The following CDK20 variants were observed in gnomAD, a reference collection of about 807,000 sequenced individuals.
The protein encoded by CDK20 is cyclin-dependent kinase 20.
Under a neutral mutation model 38.6 loss-of-function variants are expected in CDK20, and 40 were observed. That is an observed-to-expected ratio of 1.04 (90% CI 0.81 to 1.35). The LOEUF is 1.35. Ranked by LOEUF, CDK20 falls within the 40% of genes most tolerant of loss-of-function variation. The probability of loss-of-function intolerance (pLI) is 0.00; values close to 1 mark genes in which losing one functional copy is unlikely to be tolerated. For synonymous variants in CDK20, 209 were observed against 185.7 expected, an observed-to-expected ratio of 1.13 and a Z score of -1.02; for missense variants, 512 against 452.6, an observed-to-expected ratio of 1.13 and a Z score of -1.19.
intron 5 of CDK20, 85 bp from the exon 6 acceptor site, chr9:87,970,004 C>T (rs1464455861): frequency 2.1e-6 from 3 of 1,434,216 alleles, no homozygotes; most frequent in Non-Finnish European, 2.8e-6. Context: ...ACACTGCACT[C>T]CAGGGCAAGG....
chr9:87,969,594 A>C (rs1023543468), intron 6 of CDK20: 74 of 862,690 alleles, frequency 8.6e-5, no homozygotes, highest in Non-Finnish European at 1.2e-4. Context: ...TACTGGGGTG[A>C]AAAGGGACAA....
At chr9:87,973,204 A>C (rs532930524) in intron 2 of CDK20, among the ~76,000 whole-genome samples, 79 of 152,264 alleles carry the variant, frequency 5.2e-4, no homozygotes, top group Non-Finnish European at 8.7e-4. Context: ...TGGGTGAGAG[A>C]GAGCACCAAA....
At chr9:87,974,192 G>T in intron 1 of CDK20, 157 bp from the exon 2 acceptor site, 1 of 1,365,246 alleles carries the variant, frequency 7.3e-7, no homozygotes, top group Middle Eastern at 1.9e-4. Context: ...CCAGCCGCTG[G>T]GGTAGGGGAC....
At position 87,970,593 on chromosome 9, in the gene CDK20, GGC is replaced by G; in HGVS notation, c.536_537del (p.Arg179ProfsTer3). On this transcript the variant is annotated frameshift_variant, in exon 5 of 8. Coordinates refer to ENST00000325303, the MANE Select transcript of CDK20 (RefSeq NM_001039803.3). LOFTEE classifies it high-confidence loss of function. Reference protein sequence around the residue: ...YRAPELLYGARQYDQGVDLWS... With the variant: ...YRAPELLYGAXQYDQGVDLWS... ...CACAGATCGACGCCCTGGTCATACT[GGC>G]GGGCACCATACAGGAGCTCGGGGGC... 1 of 1,614,114 alleles carries G rather than the reference GGC, an allele frequency of 6.2e-7. No homozygotes were observed. Among genetic ancestry groups the G allele is most frequent in the Non-Finnish European group, 8.5e-7 (1 of 1,180,018 alleles).
chr9:87,969,510 ATTCC>A (rs1398421602), intron 6 of CDK20, 161 bp from the exon 7 acceptor site: 2 of 834,764 alleles, frequency 2.4e-6, no homozygotes, highest in Non-Finnish European at 3.7e-6. Context: ...CCACCCCTGT[ATTCC>A]TTCATCCATC....
At chr9:87,969,408 C>T in intron 6 of CDK20, 59 bp from the exon 7 acceptor site, 4 of 1,570,034 alleles carry the variant, frequency 2.5e-6, no homozygotes, top group Non-Finnish European at 3.5e-6. Flanking sequence ...TTGCCATGCT[C>T]TCTGCTGTCA....
chr9:87,970,005 C>T, intron 5 of CDK20, 86 bp from the exon 6 acceptor site: 1 of 1,429,230 alleles, frequency 7.0e-7, no homozygotes, highest in Non-Finnish European at 9.3e-7. Context: ...CACTGCACTC[C>T]AGGGCAAGGC....
chr9:87,974,501 T>G lies in CDK20; in HGVS notation c.-55A>C. ...TGCCCCTGAACTTCCAAACTCCACT[T>G]CTCCTCCACCCCACGCTGATCTGAG... On this transcript the variant is annotated 5_prime_UTR_variant, in exon 1 of 8. Transcript: ENST00000325303. 6.6e-7 allele frequency: 1 copy of G among 1,503,772 alleles called. No homozygotes were observed. The highest frequency in any genetic ancestry group is 1.2e-5 in the South Asian group (1 of 86,080). The allele number at this position is 1,503,772 out of a possible 1,614,324, so 93.2% of individuals were successfully genotyped here. A position where few individuals can be genotyped will look rare whatever the true frequency, so the allele number is the denominator to read the frequency against.
chr9:87,969,205 C>A lies in CDK20; in HGVS notation c.832G>T (p.Ala278Ser). The A allele has an allele frequency of 6.2e-7, 1 of 1,613,792 alleles. No homozygotes were observed. The highest frequency in any genetic ancestry group is 8.5e-7 in the Non-Finnish European group (1 of 1,179,860). ...GCCTCTCCCCCTACCTTGGAAGCTG[C>A]GATGCGCTGGTGAGGAGGGTAGAGA... ...FLLYPPHQRI[A>S]ASKALLHQYF... Residue 278 changes from alanine to serine, a missense_variant, in exon 7 of 8, where the codon GCA (alanine) becomes TCA (serine). Physicochemically the swap from Ala to Ser is moderately conservative, Grantham distance 99. Coordinates refer to ENST00000325303, the MANE Select transcript of CDK20 (RefSeq NM_001039803.3).
intron 7 of CDK20, 80 bp downstream of exon 7, chr9:87,969,114 T>A: frequency 1.3e-6 from 2 of 1,509,560 alleles, no homozygotes; most frequent in Non-Finnish European, 1.8e-6. Flanking sequence ...TGTGATGGGG[T>A]CACATGGCTA....
chr9:87,969,591 G>A (rs1829704507), intron 6 of CDK20: 2 of 841,638 alleles, frequency 2.4e-6, no homozygotes, highest in South Asian at 1.7e-5. Flanking sequence ...GTGTACTGGG[G>A]TGAAAAGGGA....
Position 87,971,160 on chromosome 9 carries a change from T to A in CDK20, c.365A>T (p.Asn122Ile), listed in dbSNP as rs762743425. 1.2e-6 allele frequency: 2 copies of A among 1,613,912 alleles called. No homozygotes were observed. Among genetic ancestry groups the A allele is most frequent in the South Asian group, 1.1e-5 (1 of 91,066 alleles). ...GCTGAGACTGACCCGATGTACAATG[T>A]TGTTGGCATGGCAGAAGGCGACACC... The part of the protein sequence containing the change: ...LKGVAFCHAN[N>I]IVHRDLKPAN... The change falls in exon 3 of 8, where the codon AAC becomes ATC. Residue 122 changes from asparagine to isoleucine, a missense_variant. Transcript: ENST00000325303.
rs1378732792 is a variant in CDK20, at chr9:87,967,152, T to C, written c.*310A>G. ...AGCAGCACCAAGGCAGGCATCGTCA[T>C]TCTGCATATGCAGGCCTTGACTGGC... On this transcript the variant is annotated 3_prime_UTR_variant, in exon 8 of 8. Coordinates refer to ENST00000325303, the MANE Select transcript of CDK20 (RefSeq NM_001039803.3). The C allele has an allele frequency of 1.6e-6, 1 of 627,048 alleles. No homozygotes were observed. 38.8% of individuals were successfully genotyped at this position (627,048 alleles called of 1,614,324 possible).
Position 87,967,458 on chromosome 9 carries a change from C to T in CDK20, c.*4G>A. On this transcript the variant is annotated 3_prime_UTR_variant, in exon 8 of 8. Transcript: ENST00000325303. ...AGCAGGCAGACGGGACCAGGGCCAA[C>T]TTCTCACCCCTCCAGGATGAAGGGC... 1 of 1,553,326 alleles carries T rather than the reference C, an allele frequency of 6.4e-7. No individual in the cohort carries two copies. The highest frequency in any genetic ancestry group is 8.7e-7 in the Non-Finnish European group (1 of 1,147,996).
intron 5 of CDK20, chr9:87,970,338 C>T (rs1164365578): frequency 1.3e-5 from 7 of 539,428 alleles, no homozygotes; most frequent in Middle Eastern, 3.5e-4. Flanking sequence ...GCCCAGAAAG[C>T]TTCCCACCTG....
chr9:87,969,598 G>A (rs1360044933), intron 6 of CDK20, 198 bp downstream of exon 6: 4 of 882,084 alleles, frequency 4.5e-6, no homozygotes, highest in Admixed American at 5.3e-5. Flanking sequence ...GGGGTGAAAA[G>A]GGACAAAGGA....
intron 1 of CDK20, 123 bp downstream of exon 1, chr9:87,974,249 G>T: frequency 8.1e-7 from 1 of 1,231,586 alleles, no homozygotes; most frequent in Non-Finnish European, 1.1e-6. Flanking sequence ...AGTAGGTTTA[G>T]AATATGAGTA....
At chr9:87,970,473 C>T (rs1239662021) in intron 5 of CDK20, 95 bp downstream of exon 5, 1 of 1,190,238 alleles carries the variant, frequency 8.4e-7, no homozygotes, top group Non-Finnish European at 1.2e-6. Flanking sequence ...CCTAAACTCC[C>T]ACCAGGGAAA....
At chr9:87,971,408 C>T in intron 2 of CDK20, 73 bp from the exon 3 acceptor site, 1 of 1,409,354 alleles carries the variant, frequency 7.1e-7, no homozygotes, top group Non-Finnish European at 9.7e-7. Flanking sequence ...AGACCCCAGC[C>T]CATGCCCTGA....
Sources: allele counts gnomAD v4.1 joint callset (sites outside exome capture counted in the v4.1 genomes callset), GRCh38; gene constraint gnomAD v4.1.1; transcripts MANE v1.5; gene names NCBI Gene and HGNC (gene_info 2026-07-23, HGNC 2026-07-21).